The following MRAP2 variants were observed in gnomAD, a reference collection of about 807,000 sequenced individuals.
MRAP2 encodes the protein melanocortin-2 receptor accessory protein 2.
MRAP2 carries 20 observed loss-of-function variants against 17.4 expected under a neutral mutation model. The observed-to-expected ratio is 1.15, with a 90% confidence interval of 0.81 to 1.67. MRAP2 has a LOEUF of 1.67. Ranked by LOEUF, MRAP2 falls within the 40% of genes most tolerant of loss-of-function variation. The pLI is 0.00. For synonymous variants in MRAP2, 96 were observed against 88.4 expected, an observed-to-expected ratio of 1.09 and a Z score of -0.48; for missense variants, 238 against 240.0, an observed-to-expected ratio of 0.99 and a Z score of 0.05.
At chr6:84,059,657 C>T (rs896431039) in intron 2 of MRAP2, among the ~76,000 whole-genome samples, 6 of 152,144 alleles carry the variant, frequency 3.9e-5, no homozygotes, top group African/African-American at 7.2e-5. Flanking sequence ...TTTATTCTGA[C>T]GCATTCCATT....
chr6:84,083,062 A>G (rs1350974703), intron 3 of MRAP2, among the ~76,000 whole-genome samples: 2 of 152,210 alleles, frequency 1.3e-5, no homozygotes, highest in African/African-American at 2.4e-5. Flanking sequence ...CGGCCAATAG[A>G]AAAAGAGTAC....
the MRAP2 span, among the ~76,000 whole-genome samples, chr6:84,125,949 T>A: frequency 6.6e-6 from 1 of 152,182 alleles, no homozygotes. Flanking sequence ...CATCTGCTAT[T>A]TTTAACTTCT....
At chr6:84,115,104 G>T in the MRAP2 span, among the ~76,000 whole-genome samples, 1 of 152,192 alleles carries the variant, frequency 6.6e-6, no homozygotes, top group Non-Finnish European at 1.5e-5. Context: ...TGAACACTGT[G>T]CTGGGAGATC....
chr6:84,042,826 A>G (rs2099487985), intron 1 of MRAP2, among the ~76,000 whole-genome samples: 1 of 152,258 alleles, frequency 6.6e-6, no homozygotes, highest in African/African-American at 2.4e-5. Context: ...TAAGATGGTC[A>G]TTAGAACGTT....
At chr6:84,113,933 T>G in the MRAP2 span, among the ~76,000 whole-genome samples, 21 of 152,316 alleles carry the variant, frequency 1.4e-4, no homozygotes, top group African/African-American at 5.1e-4. Context: ...CTTGTAGGGT[T>G]TCTGCCGAGA....
At chr6:84,066,252 G>A (rs1320207837) in intron 3 of MRAP2, among the ~76,000 whole-genome samples, 1 of 152,114 alleles carries the variant, frequency 6.6e-6, no homozygotes, top group Non-Finnish European at 1.5e-5. Context: ...ACAAGGTTAA[G>A]GAAAAATAAC....
chr6:84,087,785 T>A (rs1171050831), intron 3 of MRAP2, among the ~76,000 whole-genome samples: 1 of 152,188 alleles, frequency 6.6e-6, no homozygotes, highest in Non-Finnish European at 1.5e-5. Flanking sequence ...TTAACCTGGC[T>A]TATTATTAAA....
the MRAP2 span, among the ~76,000 whole-genome samples, chr6:84,143,510 T>C: frequency 6.6e-6 from 1 of 151,906 alleles, no homozygotes; most frequent in Non-Finnish European, 1.5e-5. Context: ...TGAAGATGTG[T>C]TTTCGTTAAG....
chr6:84,044,623 C>G (rs112930178), intron 1 of MRAP2, among the ~76,000 whole-genome samples: 1 of 152,208 alleles, frequency 6.6e-6, no homozygotes, highest in Non-Finnish European at 1.5e-5. Flanking sequence ...TGCATGGGCT[C>G]CCCTGATGCC....
At chr6:84,110,998 C>T in the MRAP2 span, among the ~76,000 whole-genome samples, 1 of 152,152 alleles carries the variant, frequency 6.6e-6, no homozygotes, top group African/African-American at 2.4e-5. Flanking sequence ...GTTTTGGTTA[C>T]TGTAGCCTTG....
chr6:84,088,420 T>A (rs1431605082), intron 3 of MRAP2, among the ~76,000 whole-genome samples: 1 of 152,178 alleles, frequency 6.6e-6, no homozygotes. Context: ...GAATTAGGAA[T>A]CTGGGTTTTA....
At chr6:84,105,975 G>A in the MRAP2 span, among the ~76,000 whole-genome samples, 37 of 152,040 alleles carry the variant, frequency 2.4e-4, no homozygotes, top group African/African-American at 8.7e-4. Flanking sequence ...TTGATTCCTA[G>A]ACCTATATAT....
downstream of MRAP2, among the ~76,000 whole-genome samples, chr6:84,093,651 T>C (rs2099502174): frequency 6.6e-6 from 1 of 152,218 alleles, no homozygotes; most frequent in Non-Finnish European, 1.5e-5. Context: ...GATAAGTGTT[T>C]TATCAGGGCA....
At chr6:84,059,658 G>T (rs780564134) in intron 2 of MRAP2, among the ~76,000 whole-genome samples, 5 of 152,060 alleles carry the variant, frequency 3.3e-5, no homozygotes, top group African/African-American at 4.8e-5. Context: ...TTATTCTGAC[G>T]CATTCCATTT....
At chr6:84,107,970 G>A in the MRAP2 span, among the ~76,000 whole-genome samples, 1 of 152,182 alleles carries the variant, frequency 6.6e-6, no homozygotes, top group African/African-American at 2.4e-5. Flanking sequence ...AACAATGTGG[G>A]ATCAGACATA....
chr6:84,143,971 G>GC, the MRAP2 span, among the ~76,000 whole-genome samples: 1 of 151,886 alleles, frequency 6.6e-6, no homozygotes, highest in Non-Finnish European at 1.5e-5. Context: ...TTCTGTATTT[G>GC]CCTTTAGAAT....
At chr6:84,136,908 C>T in the MRAP2 span, among the ~76,000 whole-genome samples, 5 of 152,168 alleles carry the variant, frequency 3.3e-5, no homozygotes, top group Admixed American at 3.3e-4. Flanking sequence ...GGCCACACAC[C>T]AGGCACCTAG....
rs1403382912 is a variant in MRAP2, at chr6:84,052,739, G to T, written c.-7-2573G>T. 4.2e-6 allele frequency: 4 copies of T among 941,280 alleles called. No homozygotes were observed. The African/African-American group carries it at 7.1e-5, about 17-fold the overall frequency. The allele number at this position is 941,280 out of a possible 1,614,324, so 58.3% of individuals were successfully genotyped here. A position where few individuals can be genotyped will look rare whatever the true frequency, so the allele number is the denominator to read the frequency against. On this transcript the variant is annotated intron_variant, in intron 1 of 3. Coordinates refer to ENST00000257776, the MANE Select transcript of MRAP2 (RefSeq NM_138409.4). ...GGCAACTGGTGGCTGCCTGGGGAGAGCTGGTGTCACATTTCATTCTGCAGA... is the reference window on the plus strand; with the variant it reads ...GGCAACTGGTGGCTGCCTGGGGAGATCTGGTGTCACATTTCATTCTGCAGA...
At chr6:84,062,245 A>C (rs2497118) in intron 2 of MRAP2, 1 of 350,706 alleles carries the variant, frequency 2.9e-6, no homozygotes, top group South Asian at 1.1e-4. Flanking sequence ...ACAATAGCTC[A>C]GTCTCAGCTA....
Sources: gnomAD v4.1 joint callset for allele counts (sites outside exome capture counted in the v4.1 genomes callset) on GRCh38, gnomAD v4.1.1 for gene constraint, MANE v1.5 for transcripts, NCBI Gene and HGNC (gene_info 2026-07-23, HGNC 2026-07-21) for gene names.